Variants in INSYN2A observed in about 807,000 individuals in gnomAD.
INSYN2A encodes inhibitory synaptic factor 2A, also known as family with sequence similarity 196 member A.
A neutral mutation model predicts 39.4 loss-of-function variants in INSYN2A; 17 were observed. The observed-to-expected ratio is 0.43, with a 90% CI of 0.30 to 0.65. The LOEUF is 0.65. Among genes scored for constraint, INSYN2A ranks in the 30% least tolerant of loss-of-function variants. The pLI, the probability that INSYN2A is intolerant of heterozygous loss-of-function variation, is 0.14. For missense variants in INSYN2A, 595 were observed against 631.2 expected, an observed-to-expected ratio of 0.94 and a Z score of 0.61; for synonymous variants, 255 against 265.7, an observed-to-expected ratio of 0.96 and a Z score of 0.39.
chr10:127,163,662 T>C (rs2133711371), intron 4 of INSYN2A, among the ~76,000 whole-genome samples: 1 of 152,178 alleles, frequency 6.6e-6, no homozygotes, highest in East Asian at 1.9e-4. Context: ...ATAGTATTCA[T>C]ATTAGCCCAT....
intron 4 of INSYN2A, among the ~76,000 whole-genome samples, chr10:127,156,409 A>G (rs1247469440): frequency 2.0e-5 from 3 of 152,154 alleles, no homozygotes; most frequent in South Asian, 4.1e-4. Flanking sequence ...GAACCTGACA[A>G]TGAGAGGACA....
chr10:127,146,222 A>G (rs980892921), intron 5 of INSYN2A: 12 of 266,562 alleles, frequency 4.5e-5, no homozygotes, highest in South Asian at 4.2e-4. Context: ...AAAGGCTGGG[A>G]CTATCAGTAT....
chr10:127,185,311 A>C (rs898925317), intron 2 of INSYN2A, among the ~76,000 whole-genome samples: 1 of 152,020 alleles, frequency 6.6e-6, no homozygotes, highest in African/African-American at 2.4e-5. Flanking sequence ...GGTGGATCAC[A>C]AGGTCAGGAG....
At chr10:127,183,304 A>G (rs1333295773) in intron 2 of INSYN2A, among the ~76,000 whole-genome samples, 1 of 152,128 alleles carries the variant, frequency 6.6e-6, no homozygotes, top group East Asian at 1.9e-4. Flanking sequence ...AGAGTTGAAG[A>G]TGCAGTCTGT....
chr10:127,161,666 G>A (rs1204676264), intron 4 of INSYN2A, among the ~76,000 whole-genome samples: 1 of 152,108 alleles, frequency 6.6e-6, no homozygotes, highest in Non-Finnish European at 1.5e-5. Context: ...TGAGAGTTCT[G>A]CTGGAGCAGC....
In INSYN2A at chr10:127,175,852, T is replaced by C. The variant is rs1189759049; in HGVS notation, c.544A>G (p.Asn182Asp). The C allele has an allele frequency of 6.2e-7, 1 of 1,614,150 alleles. No homozygotes were observed. The highest frequency in any genetic ancestry group is 2.2e-5 in the East Asian group (1 of 44,860). Reference sequence around the variant, plus strand: ...ACCCCCAAAGGCTGGTCCACTGTGTTCATGTGTTGGTTGGAATGGAAAACC... The same window carrying C: ...ACCCCCAAAGGCTGGTCCACTGTGTCCATGTGTTGGTTGGAATGGAAAACC... Reference protein sequence around the residue: ...ALVFHSNQHMNTVDQPLGVNC... With the variant: ...ALVFHSNQHMDTVDQPLGVNC... The change falls in exon 4 of 6, where the codon AAC becomes GAC. Residue 182 changes from asparagine (N) to aspartate (D), a missense_variant. Coordinates refer to ENST00000522781, the MANE Select transcript of INSYN2A (RefSeq NM_001039762.3). This position sits in a 1 kb window ranked among gnomAD's most constrained non-coding sequence, Gnocchi z 6.3.
intron 2 of INSYN2A, among the ~76,000 whole-genome samples, chr10:127,183,637 CAGTTCATGGCCTA>C (rs1197795193): frequency 1.3e-5 from 2 of 152,126 alleles, no homozygotes; most frequent in African/African-American, 4.8e-5. Flanking sequence ...ATACAGTTTG[CAGTTCATGGCCTA>C]GTCTGAAAAG....
At chr10:127,162,329 C>T (rs1212589351) in intron 4 of INSYN2A, among the ~76,000 whole-genome samples, 2 of 152,144 alleles carry the variant, frequency 1.3e-5, no homozygotes, top group African/African-American at 4.8e-5. Flanking sequence ...CTATTTTTGT[C>T]ATCCCATGTG....
At chr10:127,147,738 T>C (rs2052029855) in intron 5 of INSYN2A, among the ~76,000 whole-genome samples, 1 of 152,032 alleles carries the variant, frequency 6.6e-6, no homozygotes, top group Non-Finnish European at 1.5e-5. Context: ...TGTTTAAAAT[T>C]CCACCTGTCC....
intron 2 of INSYN2A, among the ~76,000 whole-genome samples, chr10:127,190,125 C>G (rs891835813): frequency 3.9e-5 from 6 of 152,190 alleles, no homozygotes; most frequent in African/African-American, 1.2e-4. Context: ...TTCTTTTACC[C>G]TAATACTAGG....
rs527767093 is a variant in INSYN2A at position 127,140,847 on chromosome 10, G to A, written c.1257-2827C>T. ...GTAGTGGACTTGGAGAAAAGCTGCC[G>A]GTAGATGTTCCAGGGCACTGGGACT... is the stretch of plus-strand genomic sequence containing the variant. On this transcript the variant is annotated intron_variant, in intron 5 of 5. Transcript: ENST00000522781. 9.2e-5 allele frequency among the ~76,000 whole-genome samples: 14 copies of A among 152,318 alleles called. 1 individual carries two copies. The South Asian group carries it at 2.7e-3, about 29-fold the overall frequency.
Position 127,177,508 on chromosome 10 carries a change from G to T in INSYN2A, c.-268-369C>A, listed in dbSNP as rs989028389. On this transcript the variant is annotated intron_variant, in intron 2 of 5. Coordinates refer to ENST00000522781, the MANE Select transcript of INSYN2A (RefSeq NM_001039762.3). ...GAGGCTTCGCCTTTTCCCCCCTTGTGTTTGAGAAGAAAACAGTCAAACGGA... is the reference window on the plus strand; with the variant it reads ...GAGGCTTCGCCTTTTCCCCCCTTGTTTTTGAGAAGAAAACAGTCAAACGGA... Among the ~76,000 whole-genome samples the T allele has an allele frequency of 5.3e-5, 8 of 152,214 alleles. 1 individual carries two copies. The South Asian group carries it at 1.7e-3, about 32-fold the overall frequency.
intron 2 of INSYN2A, among the ~76,000 whole-genome samples, chr10:127,183,490 G>A (rs2055933058): frequency 6.6e-6 from 1 of 152,210 alleles, no homozygotes; most frequent in African/African-American, 2.4e-5. Context: ...AAGGAGACTT[G>A]AGCATTTCTT....
At position 127,156,613 on chromosome 10, in the gene INSYN2A, G is replaced by GCT. The variant is rs376971351; in HGVS notation, c.1185-2692_1185-2691dup. ...ACCAAGTTTCGCTCTTGTTGCCCAG[G>GCT]CTGGAGTGCAATGGGCACAATCTGG... is the stretch of plus-strand genomic sequence containing the variant. On this transcript the variant is annotated intron_variant, in intron 4 of 5. Coordinates refer to ENST00000522781, the MANE Select transcript of INSYN2A (RefSeq NM_001039762.3). 6.5e-3 allele frequency among the ~76,000 whole-genome samples: 841 copies of GCT among 128,520 alleles called. 3 individuals carry two copies. Among genetic ancestry groups the GCT allele is most frequent in the Admixed American group, 0.012 (124 of 10,670 alleles). 84.3% of individuals were successfully genotyped at this position (128,520 alleles called of 152,430 possible).
chr10:127,165,190 A>G (rs1429903446), intron 4 of INSYN2A, among the ~76,000 whole-genome samples: 1 of 152,210 alleles, frequency 6.6e-6, no homozygotes, highest in Non-Finnish European at 1.5e-5. Context: ...TTCTGATGGT[A>G]AATATCCACA....
At chr10:127,156,950 T>C (rs2053145241) in intron 4 of INSYN2A, among the ~76,000 whole-genome samples, 1 of 152,210 alleles carries the variant, frequency 6.6e-6, no homozygotes, top group Non-Finnish European at 1.5e-5. Context: ...TCCATTACGG[T>C]CAGTAAGCAA....
At chr10:127,195,352 T>C (rs1302987046) in intron 1 of INSYN2A, among the ~76,000 whole-genome samples, 1 of 152,136 alleles carries the variant, frequency 6.6e-6, no homozygotes, top group Non-Finnish European at 1.5e-5. Context: ...CCGGTCTGAC[T>C]CGGGCTGCCA....
At chr10:127,179,520 G>T (rs2055516196) in intron 2 of INSYN2A, among the ~76,000 whole-genome samples, 1 of 152,142 alleles carries the variant, frequency 6.6e-6, no homozygotes, top group South Asian at 2.1e-4. Flanking sequence ...TTCAAATGAG[G>T]TTATGAGTTC....
chr10:127,149,010 A>G (rs1288195630), intron 5 of INSYN2A, among the ~76,000 whole-genome samples: 2 of 152,182 alleles, frequency 1.3e-5, no homozygotes, highest in Admixed American at 6.5e-5. Flanking sequence ...AAGCCCATCA[A>G]TCCTCTGCCG....
Sources: gnomAD v4.1 joint callset for allele counts (sites outside exome capture counted in the v4.1 genomes callset) on GRCh38, gnomAD v4.1.1 for gene constraint, Gnocchi (gnomAD v3.1) non-coding constraint, MANE v1.5 for transcripts, NCBI Gene and HGNC (gene_info 2026-07-23, HGNC 2026-07-21) for gene names.